MAP7D3: variants seen among roughly 807,000 people sequenced by gnomAD.
MAP7D3 encodes the protein MAP7 domain containing 3, also known as MAP7 domain-containing protein 3.
A neutral mutation model predicts 62.2 loss-of-function variants in MAP7D3; 45 were observed. The ratio of observed to expected loss-of-function variants is 0.72; its 90% confidence interval spans 0.57 to 0.93. The LOEUF is 0.93. Among genes scored for constraint, MAP7D3 ranks in the 40% least tolerant of loss-of-function variants. MAP7D3 has a pLI of 0.00. For synonymous variants in MAP7D3, 288 were observed against 248.8 expected (o/e 1.16, Z -1.48); for missense variants, 711 against 683.1 (o/e 1.04, Z -0.45).
chrX:136,221,712 T>C (rs2074132599), intron 15 of MAP7D3: 1 of 112,523 alleles, frequency 8.9e-6, no homozygotes, highest in East Asian at 2.8e-4. Context: ...GTTCTCATTG[T>C]ATTTTCACCA....
intron 12 of MAP7D3, 41 bp from the exon 13 acceptor site, chrX:136,226,054 C>A (rs747837075): frequency 1.2e-5 from 11 of 927,396 alleles, no homozygotes; most frequent in Non-Finnish European, 1.7e-5. Context: ...TCTCAAGATA[C>A]CTGAGTGACA....
In MAP7D3 at chrX:136,231,984, C is replaced by T. The variant is rs375909810; in HGVS notation, c.973G>A (p.Ala325Thr). 4 of 1,211,484 alleles carry T rather than the reference C, an allele frequency of 3.3e-6. No homozygotes were observed. In the South Asian group the frequency reaches 7.0e-5, roughly 21 times the overall value. Reference protein sequence around the residue: ...CNTSMEASPKAGVGMAPEVST... With the variant: ...CNTSMEASPKTGVGMAPEVST... ...ACCTCAGGGGCCATGCCCACACCTG[C>T]CTTGGGGGACGCTTCCATGCTTGTG... Residue 325 changes from alanine (A) to threonine (T), a missense_variant, in exon 8 of 19, where the codon GCA becomes ACA. By Grantham distance (58) the Ala-to-Thr change is moderately conservative. Coordinates refer to ENST00000316077, the MANE Select transcript of MAP7D3 (RefSeq NM_024597.4).
intron 1 of MAP7D3, among the ~76,000 whole-genome samples, chrX:136,250,606 G>T (rs2074493786): frequency 8.9e-6 from 1 of 111,819 alleles, no homozygotes; most frequent in African/African-American, 3.2e-5. Context: ...CAAATCAGGA[G>T]ATGCAAAGAG....
At chrX:136,222,744 T>G (rs2148399280) in intron 14 of MAP7D3, among the ~76,000 whole-genome samples, 1 of 111,334 alleles carries the variant, frequency 9.0e-6, no homozygotes, top group South Asian at 3.8e-4. Flanking sequence ...GGAATATAAC[T>G]TTGGGTTGGC....
chrX:136,247,570 T>G (rs921621190), intron 1 of MAP7D3, among the ~76,000 whole-genome samples: 2 of 103,186 alleles, frequency 1.9e-5, no homozygotes, highest in African/African-American at 7.0e-5. Flanking sequence ...GACATCACAA[T>G]TGCTGCCGTA....
chrX:136,235,158 C>T (rs1011905992), intron 7 of MAP7D3, among the ~76,000 whole-genome samples: 6 of 112,593 alleles, frequency 5.3e-5, no homozygotes, highest in Non-Finnish European at 1.1e-4. Flanking sequence ...CATGGCAAAA[C>T]AACTTTGAGA....
At position 136,246,358 on chromosome X, in the gene MAP7D3, TA is replaced by T; in HGVS notation, c.71-18del. 9.4e-7 allele frequency: 1 copy of T among 1,066,528 alleles called. No homozygotes were observed. The highest frequency in any genetic ancestry group is 1.3e-6 in the Non-Finnish European group (1 of 766,528). 87.9% of individuals were successfully genotyped at this position (1,066,528 alleles called of 1,213,427 possible). A position where few individuals can be genotyped will look rare whatever the true frequency, so the allele number is the denominator to read the frequency against. On this transcript the variant is annotated intron_variant, in intron 1 of 18. Coordinates refer to ENST00000316077, the MANE Select transcript of MAP7D3 (RefSeq NM_024597.4). ...CTGCAGCAACTAAAATACAGGGAGATAAAAGGATTAGATGTTAAGAATACGG... is the reference window on the plus strand; with the variant it reads ...CTGCAGCAACTAAAATACAGGGAGATAAAGGATTAGATGTTAAGAATACGG...
intron 3 of MAP7D3, among the ~76,000 whole-genome samples, chrX:136,245,020 T>G (rs1603283198): frequency 8.9e-6 from 1 of 112,460 alleles, no homozygotes; most frequent in Admixed American, 9.4e-5. Flanking sequence ...GGATTGTCTG[T>G]GCCAAATGAC....
intron 11 of MAP7D3, among the ~76,000 whole-genome samples, chrX:136,227,733 C>T (rs1250021042): frequency 1.8e-5 from 2 of 111,019 alleles, no homozygotes; most frequent in Non-Finnish European, 3.8e-5. Flanking sequence ...GACATGACAT[C>T]CCCTAAAAGG....
At chrX:136,223,233 T>C (rs887244411) in intron 14 of MAP7D3, among the ~76,000 whole-genome samples, 4 of 111,442 alleles carry the variant, frequency 3.6e-5, no homozygotes, top group African/African-American at 9.8e-5. Flanking sequence ...ATTTCTACTC[T>C]AAATTCTCAT....
In MAP7D3 at chrX:136,219,407, G is replaced by A; in HGVS notation, c.*23C>T. 2.6e-6 allele frequency: 3 copies of A among 1,150,758 alleles called. No individual in the cohort carries two copies. The highest frequency in any genetic ancestry group is 1.8e-5 in the African/African-American group (1 of 56,439). 94.8% of individuals were successfully genotyped at this position (1,150,758 alleles called of 1,213,427 possible). ...TGAGATGAGGACTTACCCAAATGAG[G>A]AGAAACAGGTTTGCTTCTTCTCTTA... On this transcript the variant is annotated 3_prime_UTR_variant, in exon 18 of 19. Coordinates refer to ENST00000316077, the MANE Select transcript of MAP7D3 (RefSeq NM_024597.4).
At chrX:136,222,024 A>G (rs892555439) in intron 15 of MAP7D3, 1 of 140,388 alleles carries the variant, frequency 7.1e-6, no homozygotes, top group Admixed American at 8.4e-5. Context: ...AATGAAGTGG[A>G]AAGTGGAATT....
At chrX:136,239,513 C>A (rs2074365032) in intron 6 of MAP7D3, among the ~76,000 whole-genome samples, 1 of 111,918 alleles carries the variant, frequency 8.9e-6, no homozygotes, top group Non-Finnish European at 1.9e-5. Context: ...ATATAAACCA[C>A]AGAAAAGGAT....
chrX:136,216,345 C>T, downstream of MAP7D3, among the ~76,000 whole-genome samples: 1 of 37,716 alleles, frequency 2.7e-5, no homozygotes, highest in Non-Finnish European at 4.4e-5. Flanking sequence ...GGCAACATAG[C>T]AAGACCCTAT....
At chrX:136,221,574 C>G (rs1318222779) in intron 15 of MAP7D3, among the ~76,000 whole-genome samples, 2 of 112,490 alleles carry the variant, frequency 1.8e-5, no homozygotes, top group East Asian at 5.6e-4. Flanking sequence ...ATCCGCCCAC[C>G]TCGGCCTCCC....
intron 1 of MAP7D3, among the ~76,000 whole-genome samples, chrX:136,246,940 C>T (rs2074454944): frequency 2.7e-5 from 3 of 112,036 alleles, no homozygotes; most frequent in South Asian, 3.7e-4. Flanking sequence ...CCTGCCTGCC[C>T]GCTCCCCATC....
intron 7 of MAP7D3, among the ~76,000 whole-genome samples, chrX:136,232,627 A>T (rs2074285133): frequency 8.9e-6 from 1 of 112,429 alleles, no homozygotes; most frequent in Admixed American, 9.4e-5. Context: ...TTACCATTAT[A>T]GGTGATTATG....
intron 7 of MAP7D3, among the ~76,000 whole-genome samples, chrX:136,232,589 C>T (rs1325796427): frequency 1.8e-5 from 2 of 112,107 alleles, no homozygotes; most frequent in Non-Finnish European, 3.8e-5. Flanking sequence ...TAAAAGTAAT[C>T]TAAACATCTT....
upstream of MAP7D3, among the ~76,000 whole-genome samples, chrX:136,252,008 C>T (rs1178831743): frequency 8.9e-6 from 1 of 112,238 alleles, no homozygotes; most frequent in Admixed American, 9.4e-5. Flanking sequence ...TCAATCTCTC[C>T]GGATTTTGGG....
Sources: allele counts gnomAD v4.1 joint callset (sites outside exome capture counted in the v4.1 genomes callset), GRCh38; gene constraint gnomAD v4.1.1; transcripts MANE v1.5; gene names NCBI Gene and HGNC (gene_info 2026-07-23, HGNC 2026-07-21).